MTAP: variants seen among roughly 807,000 people sequenced by gnomAD.
The protein encoded by MTAP is methylthioadenosine phosphorylase.
A neutral mutation model predicts 33.6 loss-of-function variants in MTAP; 33 were observed. The observed-to-expected ratio is 0.98, with a 90% CI of 0.74 to 1.31. The LOEUF (loss-of-function observed/expected upper bound fraction) is 1.31. MTAP is among the 40% of genes most tolerant of loss of function. MTAP has a pLI of 0.00. For missense variants in MTAP, 367 were observed against 360.0 expected, an observed-to-expected ratio of 1.02 and a Z score of -0.16; for synonymous variants, 148 against 125.7, an observed-to-expected ratio of 1.18 and a Z score of -1.19.
chr9:21,868,815 C>T (rs1030607088), downstream of MTAP, among the ~76,000 whole-genome samples: 8 of 152,136 alleles, frequency 5.3e-5, no homozygotes, highest in African/African-American at 1.2e-4. Flanking sequence ...GCTTCTCAAA[C>T]GGGAGCACGC....
At chr9:21,899,034 C>G (rs1355258869) in intron 1 of MTAP, among the ~76,000 whole-genome samples, 1 of 151,936 alleles carries the variant, frequency 6.6e-6, no homozygotes, top group Non-Finnish European at 1.5e-5. Context: ...ACATATACAC[C>G]ATGGAATACT....
At chr9:21,813,022 T>C (rs1824389012) in intron 1 of MTAP, among the ~76,000 whole-genome samples, 1 of 152,234 alleles carries the variant, frequency 6.6e-6, no homozygotes, top group Non-Finnish European at 1.5e-5. Context: ...GCCTTTAACA[T>C]GTAAGTCCAC....
chr9:21,877,483 T>C (rs904668939), intron 1 of MTAP, among the ~76,000 whole-genome samples: 6 of 152,146 alleles, frequency 3.9e-5, no homozygotes, highest in Admixed American at 2.6e-4. Flanking sequence ...GGTATGATAT[T>C]GGCTTTGGAT....
intron 1 of MTAP, among the ~76,000 whole-genome samples, chr9:21,881,714 CAAAA>C (rs554394113): frequency 2.6e-5 from 4 of 151,514 alleles, no homozygotes; most frequent in African/African-American, 7.2e-5. Context: ...TGGCTACTAT[CAAAA>C]AAAACAGAAA....
chr9:21,813,229 G>T (rs1452268154), intron 1 of MTAP, among the ~76,000 whole-genome samples: 7 of 152,220 alleles, frequency 4.6e-5, no homozygotes, highest in Admixed American at 4.6e-4. Flanking sequence ...TTCCTGGGAT[G>T]GCGGGACTCA....
At chr9:21,856,460 T>C (rs1322430601) in intron 6 of MTAP, among the ~76,000 whole-genome samples, 1 of 152,192 alleles carries the variant, frequency 6.6e-6, no homozygotes, top group African/African-American at 2.4e-5. Flanking sequence ...ATTTGGCAGC[T>C]TTGGTAACCT....
intron 1 of MTAP, among the ~76,000 whole-genome samples, chr9:21,924,982 G>A (rs1433341180): frequency 1.3e-5 from 2 of 152,226 alleles, no homozygotes; most frequent in Non-Finnish European, 1.5e-5. Flanking sequence ...GGGAGAACAT[G>A]ACTCCATTAT....
intron 1 of MTAP, among the ~76,000 whole-genome samples, chr9:21,805,900 C>T (rs1824195802): frequency 6.6e-6 from 1 of 152,034 alleles, no homozygotes; most frequent in Non-Finnish European, 1.5e-5. Context: ...GGGTAAAGAT[C>T]CAAGTGAAGA....
At chr9:21,832,135 G>T (rs1047399792) in intron 4 of MTAP, among the ~76,000 whole-genome samples, 3 of 152,182 alleles carry the variant, frequency 2.0e-5, no homozygotes, top group Non-Finnish European at 4.4e-5. Context: ...ACTGGGAGAG[G>T]TTCGACTTTG....
chr9:21,880,329 A>G (rs575615009), intron 1 of MTAP, among the ~76,000 whole-genome samples: 65 of 152,120 alleles, frequency 4.3e-4, no homozygotes, highest in Non-Finnish European at 7.6e-4. Context: ...AAACCCATAA[A>G]CTAAACCTCT....
At chr9:21,835,932 C>T (rs757840188) in intron 4 of MTAP, among the ~76,000 whole-genome samples, 1 of 152,178 alleles carries the variant, frequency 6.6e-6, no homozygotes, top group Non-Finnish European at 1.5e-5. Flanking sequence ...AGGTGTTTCT[C>T]GTCTGCACCT....
chr9:21,807,985 C>A (rs1192727451), intron 1 of MTAP, among the ~76,000 whole-genome samples: 1 of 152,192 alleles, frequency 6.6e-6, no homozygotes, highest in African/African-American at 2.4e-5. Flanking sequence ...CCAGCCTGTG[C>A]CTCAAAAGCA....
intron 1 of MTAP, among the ~76,000 whole-genome samples, chr9:21,810,869 T>A (rs1484230666): frequency 6.6e-6 from 1 of 152,172 alleles, no homozygotes; most frequent in Non-Finnish European, 1.5e-5. Flanking sequence ...CAGCTATCCC[T>A]GTGGACCCTA....
intron 4 of MTAP, among the ~76,000 whole-genome samples, chr9:21,823,958 C>G (rs1824717156): frequency 6.6e-6 from 1 of 152,202 alleles, no homozygotes; most frequent in Admixed American, 6.5e-5. Flanking sequence ...TCAGCTCCAT[C>G]AGGTCATTTA....
At position 21,859,269 on chromosome 9, in the gene MTAP, G is replaced by A. The variant is rs769458744; in HGVS notation, c.691-34G>A. ...TTTATGACAAGCAGTGGAATTTTAA[G>A]TTCTAGTAACCTCCAGTGCTATTGT... On this transcript the variant is annotated intron_variant, in intron 6 of 7. Transcript: ENST00000644715. 5.7e-6 allele frequency: 9 copies of A among 1,579,056 alleles called. No homozygotes were observed. In the East Asian group the frequency reaches 9.1e-5, roughly 16 times the overall value.
intron 1 of MTAP, among the ~76,000 whole-genome samples, chr9:21,917,667 A>G (rs779523450): frequency 1.2e-4 from 19 of 152,216 alleles, no homozygotes; most frequent in Non-Finnish European, 2.1e-4. Context: ...TACCACCACT[A>G]TAGAAAGTAA....
chr9:21,866,996 G>C lies in MTAP; in HGVS notation c.*4982G>C, dbSNP rs1199524168. On this transcript the variant is annotated 3_prime_UTR_variant, in exon 8 of 8. Coordinates refer to ENST00000644715, the MANE Select transcript of MTAP (RefSeq NM_002451.4). ...AATAGTACTTTAATTTCATTTTTAA[G>C]TTTATTGCTGGTATACAGAAATATG... 1 of 152,044 alleles carries C rather than the reference G, an allele frequency of 6.6e-6. No homozygotes were observed. Among genetic ancestry groups the C allele is most frequent in the Non-Finnish European group, 1.5e-5 (1 of 67,986 alleles). 9.4% of individuals were successfully genotyped at this position (152,044 alleles called of 1,614,324 possible). A position where few individuals can be genotyped will look rare whatever the true frequency, so the allele number is the denominator to read the frequency against.
Position 21,863,512 on chromosome 9 carries a change from C to T in MTAP, c.*1498C>T, listed in dbSNP as rs1825794532. The T allele has an allele frequency of 1.3e-5, 7 of 552,640 alleles. No individual in the cohort carries two copies. The highest frequency in any genetic ancestry group is 1.6e-5 in the Non-Finnish European group (7 of 434,758). The allele number at this position is 552,640 out of a possible 1,614,324, so 34.2% of individuals were successfully genotyped here. ...GTCCCAGCTACTCAGGAGGCTGAGG[C>T]AGGAGAATGGTGTGAACCTGGGAGG... is the stretch of plus-strand genomic sequence containing the variant. On this transcript the variant is annotated 3_prime_UTR_variant, in exon 8 of 8. Coordinates refer to ENST00000644715, the MANE Select transcript of MTAP (RefSeq NM_002451.4).
At chr9:21,830,527 A>C (rs1824940919) in intron 4 of MTAP, among the ~76,000 whole-genome samples, 1 of 152,240 alleles carries the variant, frequency 6.6e-6, no homozygotes, top group African/African-American at 2.4e-5. Context: ...CTTTGCAGCG[A>C]TTAAACAGTC....
Sources: allele counts gnomAD v4.1 joint callset (sites outside exome capture counted in the v4.1 genomes callset), GRCh38; gene constraint gnomAD v4.1.1; transcripts MANE v1.5; gene names NCBI Gene and HGNC (gene_info 2026-07-23, HGNC 2026-07-21).